Variants in HNRNPC observed in about 807,000 individuals in gnomAD.
HNRNPC encodes heterogeneous nuclear ribonucleoproteins C1/C2.
HNRNPC carries 3 observed loss-of-function variants against 33.2 expected under a neutral mutation model. The observed-to-expected ratio is 0.09, with a 90% CI of 0.04 to 0.23. The LOEUF (loss-of-function observed/expected upper bound fraction) is 0.23. Ranked by LOEUF, HNRNPC falls within the 10% of genes least tolerant of loss-of-function variation. The probability of loss-of-function intolerance (pLI) is 1.00; values close to 1 mark genes in which losing one functional copy is unlikely to be tolerated. For synonymous variants in HNRNPC, 121 were observed against 126.7 expected, an observed-to-expected ratio of 0.96 and a Z score of 0.30; for missense variants, 143 against 366.7, an observed-to-expected ratio of 0.39 and a Z score of 4.98.
intron 2 of HNRNPC, among the ~76,000 whole-genome samples, chr14:21,250,386 T>C (rs992908152): frequency 2.0e-5 from 3 of 152,212 alleles, no homozygotes; most frequent in African/African-American, 7.2e-5. Flanking sequence ...TAAGAATTCA[T>C]TAGACTGTTC....
chr14:21,234,876 A>G (rs1015392901), intron 2 of HNRNPC: 2 of 111,204 alleles, frequency 1.8e-5, no homozygotes, highest in Non-Finnish European at 4.6e-5. Flanking sequence ...CTTTAGATAC[A>G]TAAGTATCAA....
At chr14:21,261,459 G>A (rs1253963627) in intron 2 of HNRNPC, among the ~76,000 whole-genome samples, 1 of 152,016 alleles carries the variant, frequency 6.6e-6, no homozygotes. Context: ...TAACTTCCAG[G>A]AATCTTTTGC....
intron 2 of HNRNPC, among the ~76,000 whole-genome samples, chr14:21,256,001 ACAGTT>A (rs1877126269): frequency 6.6e-6 from 1 of 152,228 alleles, no homozygotes. Context: ...TGTGTTCAAT[ACAGTT>A]AAGAAGGCCA....
At chr14:21,244,304 G>C (rs554092235) in intron 2 of HNRNPC, among the ~76,000 whole-genome samples, 14 of 152,284 alleles carry the variant, frequency 9.2e-5, no homozygotes, top group African/African-American at 2.9e-4. Flanking sequence ...CTGCCCGCAA[G>C]TTCTCTCTAT....
At position 21,211,280 on chromosome 14, in the gene HNRNPC, T is replaced by C. The variant is rs1891560116; in HGVS notation, c.825A>G (p.Lys275=). 6.8e-6 allele frequency: 11 copies of C among 1,614,044 alleles called. No individual in the cohort carries two copies. Among genetic ancestry groups the C allele is most frequent in the Middle Eastern group, 1.6e-4 (1 of 6,084 alleles). ...DQLELIKDDE[K]EAEEGEDDRD... ...TGTCATCCTCTCCTTCCTCAGCCTC[T>C]TTTTCATCATCCTTGATCAACTCCA... The change falls in exon 9 of 9, where the codon AAA becomes AAG. Residue 275 remains lysine, a synonymous_variant. Transcript: ENST00000553300.
At chr14:21,213,161 A>C (rs1211133441) in intron 5 of HNRNPC, 44 bp from the exon 6 acceptor site, 2 of 1,575,800 alleles carry the variant, frequency 1.3e-6, no homozygotes. Context: ...ACCTAACATT[A>C]ACTCAGCACA....
At chr14:21,245,455 C>T (rs1238267347) in intron 2 of HNRNPC, among the ~76,000 whole-genome samples, 1 of 152,058 alleles carries the variant, frequency 6.6e-6, no homozygotes, top group Non-Finnish European at 1.5e-5. Flanking sequence ...TGAGATCGCA[C>T]CACTGCACTC....
intron 5 of HNRNPC, among the ~76,000 whole-genome samples, chr14:21,228,243 C>A (rs890667211): frequency 6.6e-6 from 1 of 152,284 alleles, no homozygotes; most frequent in South Asian, 2.1e-4. Flanking sequence ...GAATGCTAAG[C>A]TTGTCGGAGT....
At chr14:21,215,918 GAAGA>G (rs1466703184) in intron 5 of HNRNPC, among the ~76,000 whole-genome samples, 1 of 135,026 alleles carries the variant, frequency 7.4e-6, no homozygotes, top group African/African-American at 2.9e-5. Context: ...AAAAAGAAAG[GAAGA>G]AAGAAAGAAA....
At chr14:21,224,597 C>CT (rs1388130199) in intron 5 of HNRNPC, among the ~76,000 whole-genome samples, 1 of 152,180 alleles carries the variant, frequency 6.6e-6, no homozygotes, top group Non-Finnish European at 1.5e-5. Context: ...TCCCAACCTC[C>CT]TCTCCATTCC....
Position 21,260,590 on chromosome 14 carries a change from G to A in HNRNPC, c.-37+2721C>T, listed in dbSNP as rs192310618. Among the ~76,000 whole-genome samples the A allele has an allele frequency of 3.3e-4, 50 of 151,882 alleles. No homozygotes were observed. The East Asian group carries it at 8.0e-3, about 24-fold the overall frequency. ...TCCCAAAACTTCAGGAGGCTGAGGCGGGTGGATCACCTGAGGTCAGGAACT... is the reference window on the plus strand; with the variant it reads ...TCCCAAAACTTCAGGAGGCTGAGGCAGGTGGATCACCTGAGGTCAGGAACT... On this transcript the variant is annotated intron_variant, in intron 2 of 8. Coordinates refer to ENST00000553300, the MANE Select transcript of HNRNPC (RefSeq NM_004500.4).
intron 2 of HNRNPC, among the ~76,000 whole-genome samples, chr14:21,235,979 T>C (rs1486567278): frequency 6.6e-6 from 1 of 152,178 alleles, no homozygotes; most frequent in Non-Finnish European, 1.5e-5. Flanking sequence ...CAGATGTGAT[T>C]GAAAGGGGTA....
intron 2 of HNRNPC, among the ~76,000 whole-genome samples, chr14:21,260,474 C>T (rs1878039400): frequency 6.6e-6 from 1 of 151,594 alleles, no homozygotes; most frequent in Non-Finnish European, 1.5e-5. Context: ...ATTCCCTGAC[C>T]TCTCAGGGTT....
chr14:21,235,309 T>C (rs1178516445), intron 2 of HNRNPC, among the ~76,000 whole-genome samples: 1 of 152,184 alleles, frequency 6.6e-6, no homozygotes, highest in African/African-American at 2.4e-5. Context: ...GATTCCAGTA[T>C]TTGTTATCCT....
chr14:21,211,127 A>C lies in HNRNPC; in HGVS notation c.*96T>G. On this transcript the variant is annotated 3_prime_UTR_variant, in exon 9 of 9. Transcript: ENST00000553300. ...GGGGAGAACAGTGAGCATGTGCTGA[A>C]GATACTAGGGGAGAGGATCTGGTGA... 3 of 1,237,680 alleles carry C rather than the reference A, an allele frequency of 2.4e-6. No individual in the cohort carries two copies. Among genetic ancestry groups the C allele is most frequent in the Non-Finnish European group, 3.5e-6 (3 of 856,832 alleles). The allele number at this position is 1,237,680 out of a possible 1,614,324, so 76.7% of individuals were successfully genotyped here. A position where few individuals can be genotyped will look rare whatever the true frequency, so the allele number is the denominator to read the frequency against.
intron 5 of HNRNPC, among the ~76,000 whole-genome samples, chr14:21,223,558 G>C (rs1053022849): frequency 5.3e-5 from 8 of 152,048 alleles, no homozygotes; most frequent in Non-Finnish European, 1.2e-4. Flanking sequence ...AGATGAGCCT[G>C]GGCAACATGA....
At chr14:21,229,470 A>T (rs1893865536) in intron 5 of HNRNPC, among the ~76,000 whole-genome samples, 1 of 152,096 alleles carries the variant, frequency 6.6e-6, no homozygotes. Context: ...TTATTATGGC[A>T]TTCAAGGCCC....
At chr14:21,262,904 C>T (rs1159507221) in intron 2 of HNRNPC, 2 of 151,884 alleles carry the variant, frequency 1.3e-5, no homozygotes, top group Middle Eastern at 3.2e-3. Context: ...AAAATACAGA[C>T]GTCCAGAGAT....
chr14:21,262,876 C>T (rs1383869651), intron 2 of HNRNPC: 1 of 151,686 alleles, frequency 6.6e-6, no homozygotes, highest in South Asian at 2.1e-4. Flanking sequence ...AATAAAAAAA[C>T]AAAAATAAAA....
Sources: allele counts gnomAD v4.1 joint callset (sites outside exome capture counted in the v4.1 genomes callset), GRCh38; gene constraint gnomAD v4.1.1; transcripts MANE v1.5; gene names NCBI Gene and HGNC (gene_info 2026-07-23, HGNC 2026-07-21).